Variants in RNF38 observed in about 807,000 individuals in gnomAD.
The protein encoded by RNF38 is E3 ubiquitin-protein ligase RNF38.
A neutral mutation model predicts 67.2 loss-of-function variants in RNF38; 15 were observed. The observed-to-expected ratio is 0.22, with a 90% CI of 0.15 to 0.34. The LOEUF is 0.34. Among genes scored for constraint, RNF38 ranks in the 10% least tolerant of loss-of-function variants. The pLI is 1.00. For synonymous variants in RNF38, 220 were observed against 218.8 expected (o/e 1.01, Z -0.05); for missense variants, 524 against 639.9 (o/e 0.82, Z 1.95).
At chr9:36,382,215 G>A (rs1836262544) in intron 2 of RNF38, among the ~76,000 whole-genome samples, 1 of 152,180 alleles carries the variant, frequency 6.6e-6, no homozygotes, top group African/African-American at 2.4e-5. Flanking sequence ...TCTGGTACAA[G>A]TACTGTCTCT....
intron 2 of RNF38, among the ~76,000 whole-genome samples, chr9:36,377,060 A>G (rs1279845219): frequency 6.6e-6 from 1 of 152,196 alleles, no homozygotes; most frequent in Admixed American, 6.5e-5. Context: ...AAAGTTTTCA[A>G]GGGTCCCACA....
intron 2 of RNF38, among the ~76,000 whole-genome samples, chr9:36,408,266 A>ATTT (rs35564069): frequency 8.2e-5 from 11 of 134,712 alleles, no homozygotes; most frequent in South Asian, 2.4e-4. Context: ...AACAGACTTA[A>ATTT]TTTTTTTTTT....
intron 1 of RNF38, among the ~76,000 whole-genome samples, chr9:36,394,410 T>C (rs1247725872): frequency 6.6e-6 from 1 of 152,278 alleles, no homozygotes; most frequent in Non-Finnish European, 1.5e-5. Flanking sequence ...AAATTTGTAG[T>C]AATTTGTTAC....
rs1467260486 is a variant in RNF38 at position 36,363,380 on chromosome 9, T to C, written c.571-5438A>G. 2.0e-5 allele frequency among the ~76,000 whole-genome samples: 2 copies of C among 101,150 alleles called. 1 individual carries two copies. The highest frequency in any genetic ancestry group is 5.2e-5 in the Non-Finnish European group (2 of 38,834). The allele number at this position is 101,150 out of a possible 152,430, so 66.4% of individuals were successfully genotyped here. A position where few individuals can be genotyped will look rare whatever the true frequency, so the allele number is the denominator to read the frequency against. Reference sequence around the variant, plus strand: ...ATTGCTGGATTACTGGGTAGGTGTATGTTTGACATGATTAGAAACTGACCA... The same window carrying C: ...ATTGCTGGATTACTGGGTAGGTGTACGTTTGACATGATTAGAAACTGACCA... On this transcript the variant is annotated intron_variant, in intron 4 of 11. Coordinates refer to ENST00000259605, the MANE Select transcript of RNF38 (RefSeq NM_022781.5).
In RNF38 at chr9:36,342,306, A is replaced by G. The variant is rs117623981; in HGVS notation, c.1485+19T>C. ...TAGAAAATTCAATGTCATTTCCTTT[A>G]AAGATGTCATCACTTTACCTTAAGC... On this transcript the variant is annotated intron_variant, in intron 11 of 11. Coordinates refer to ENST00000259605, the MANE Select transcript of RNF38 (RefSeq NM_022781.5). The G allele has an allele frequency of 1.9e-4, 285 of 1,519,250 alleles. No homozygotes were observed. In the East Asian group the frequency reaches 5.4e-3, roughly 29 times the overall value. 94.1% of individuals were successfully genotyped at this position (1,519,250 alleles called of 1,614,324 possible).
In RNF38 at chr9:36,344,824, T is replaced by C; in HGVS notation, c.1385+8A>G. 1 of 1,609,788 alleles carries C rather than the reference T, an allele frequency of 6.2e-7. No homozygotes were observed. Among genetic ancestry groups the C allele is most frequent in the South Asian group, 1.1e-5 (1 of 90,302 alleles). The stretch of plus-strand genomic sequence containing the variant: ...AATTTAGCAGTGATGTCAGAAAAAT[T>C]TACTTACAAAGTCTGTTCTGACTGG... On this transcript the variant is annotated splice_region_variant and intron_variant, in intron 10 of 11. Coordinates refer to ENST00000259605, the MANE Select transcript of RNF38 (RefSeq NM_022781.5).
intron 6 of RNF38, 55 bp from the exon 7 acceptor site, chr9:36,353,386 T>TTC: frequency 1.7e-6 from 2 of 1,209,610 alleles, no homozygotes; most frequent in Non-Finnish European, 2.2e-6. Flanking sequence ...ACTTCCTGTG[T>TTC]TTAGATAGAT....
intron 2 of RNF38, among the ~76,000 whole-genome samples, chr9:36,415,956 G>A (rs535169687): frequency 6.6e-5 from 10 of 152,006 alleles, no homozygotes; most frequent in Non-Finnish European, 1.0e-4. Flanking sequence ...AGAAGGTGGC[G>A]CTTTCAATAC....
intron 1 of RNF38, among the ~76,000 whole-genome samples, chr9:36,462,019 A>C (rs1031913492): frequency 4.6e-5 from 7 of 152,188 alleles, no homozygotes; most frequent in African/African-American, 1.7e-4. Flanking sequence ...AGGTTGGCAA[A>C]AAGTATATGC....
Position 36,352,828 on chromosome 9 carries a change from A to G in RNF38, c.1092T>C (p.Pro364=), listed in dbSNP as rs200260628. The change falls in exon 8 of 12, where the codon CCT becomes CCC. Residue 364 remains proline (P), a synonymous_variant. Coordinates refer to ENST00000259605, the MANE Select transcript of RNF38 (RefSeq NM_022781.5). ...SFGVPYPPFM[P]RRLTGRSRYR... Reference sequence around the variant, plus strand: ...ATCTACTACGTCCTGTAAGCCTCCGAGGCATAAATGGAGGATAAGGCTGCA... The same window carrying G: ...ATCTACTACGTCCTGTAAGCCTCCGGGGCATAAATGGAGGATAAGGCTGCA... The G allele has an allele frequency of 6.2e-7, 1 of 1,613,792 alleles. No homozygotes were observed. The highest frequency in any genetic ancestry group is 1.7e-5 in the Admixed American group (1 of 60,014).
At chr9:36,397,073 G>A (rs1471728437) in intron 1 of RNF38, among the ~76,000 whole-genome samples, 1 of 127,286 alleles carries the variant, frequency 7.9e-6, no homozygotes, top group Admixed American at 7.6e-5. Context: ...GTATATATAT[G>A]TGTGTGTGTA....
chr9:36,394,205 G>A lies in RNF38; in HGVS notation c.13-3589C>T, dbSNP rs921268764. 2.0e-5 allele frequency among the ~76,000 whole-genome samples: 3 copies of A among 152,240 alleles called. No homozygotes were observed. The East Asian group carries it at 5.8e-4, about 29-fold the overall frequency. On this transcript the variant is annotated intron_variant, in intron 1 of 11. Coordinates refer to ENST00000259605, the MANE Select transcript of RNF38 (RefSeq NM_022781.5). ...CAGGAGAATCACTTGAATCCGGGAG[G>A]TGGAGGTTGCAGTGAGCCAAGATCG...
intron 11 of RNF38, 47 bp from the exon 12 acceptor site, chr9:36,339,861 G>GA (rs1201404130): frequency 7.0e-7 from 1 of 1,434,530 alleles, no homozygotes; most frequent in Non-Finnish European, 9.7e-7. Context: ...CACATACAAT[G>GA]AAACACATTC....
chr9:36,405,250 G>C (rs1185760032), upstream of RNF38, among the ~76,000 whole-genome samples: 1 of 147,794 alleles, frequency 6.8e-6, no homozygotes, highest in Admixed American at 6.8e-5. Flanking sequence ...CTGGGCAACA[G>C]AGAGAGACTC....
chr9:36,436,394 A>G (rs991598884), intron 1 of RNF38, among the ~76,000 whole-genome samples: 1 of 152,256 alleles, frequency 6.6e-6, no homozygotes, highest in Non-Finnish European at 1.5e-5. Flanking sequence ...TTTCTGAAAG[A>G]TAACTGCCTA....
At chr9:36,348,397 T>A in intron 9 of RNF38, among the ~76,000 whole-genome samples, 1 of 151,918 alleles carries the variant, frequency 6.6e-6, no homozygotes, top group Non-Finnish European at 1.5e-5. Context: ...CGCTTGAGCC[T>A]GGGAGGTTGA....
intron 9 of RNF38, among the ~76,000 whole-genome samples, chr9:36,347,140 G>A (rs1303119264): frequency 5.0e-5 from 2 of 39,644 alleles, no homozygotes; most frequent in Non-Finnish European, 9.1e-5. Flanking sequence ...GGGGGGGGGG[G>A]GGGGGGGGGA....
upstream of RNF38, among the ~76,000 whole-genome samples, chr9:36,401,378 C>T (rs117369849): frequency 2.6e-3 from 384 of 148,888 alleles, 1 homozygote; most frequent in Non-Finnish European, 4.1e-3. Context: ...TAAATTGTTG[C>T]TACTGTTCCG....
At chr9:36,429,914 T>G (rs1367450200) in intron 1 of RNF38, among the ~76,000 whole-genome samples, 1 of 152,230 alleles carries the variant, frequency 6.6e-6, no homozygotes, top group Non-Finnish European at 1.5e-5. Flanking sequence ...TCCATGCAGT[T>G]GGCTAAACCC....
Sources: allele counts gnomAD v4.1 joint callset (sites outside exome capture counted in the v4.1 genomes callset), GRCh38; gene constraint gnomAD v4.1.1; transcripts MANE v1.5; gene names NCBI Gene and HGNC (gene_info 2026-07-23, HGNC 2026-07-21).